Variants in CACNA1S observed in about 807,000 individuals in gnomAD.
The protein encoded by CACNA1S is voltage-dependent L-type calcium channel subunit alpha-1S.
Under a neutral mutation model 207.4 loss-of-function variants are expected in CACNA1S, and 126 were observed. That is an observed-to-expected ratio of 0.61 (90% confidence interval 0.53 to 0.70). The LOEUF (loss-of-function observed/expected upper bound fraction) is 0.70. Among genes scored for constraint, CACNA1S ranks in the 30% least tolerant of loss-of-function variants. The pLI, the probability that CACNA1S is intolerant of heterozygous loss-of-function variation, is 0.00. For synonymous variants in CACNA1S, 960 were observed against 932.7 expected (o/e 1.03, Z -0.53); for missense variants, 2,349 against 2,422.8 (o/e 0.97, Z 0.64).
chr1:201,051,459 C>T (rs538385872), intron 32 of CACNA1S, among the ~76,000 whole-genome samples: 1 of 152,298 alleles, frequency 6.6e-6, no homozygotes, highest in South Asian at 2.1e-4. Flanking sequence ...GTCACAGAGG[C>T]CTCAAAGAGA....
chr1:201,072,218 T>C (rs1051278213), intron 16 of CACNA1S, among the ~76,000 whole-genome samples: 9 of 152,176 alleles, frequency 5.9e-5, no homozygotes, highest in Non-Finnish European at 1.0e-4. Flanking sequence ...ATTTATGAGA[T>C]GTTTGTGGTT....
chr1:201,094,127 C>T, intron 2 of CACNA1S, 106 bp from the exon 3 acceptor site: 2 of 1,387,330 alleles, frequency 1.4e-6, no homozygotes, highest in Non-Finnish European at 2.0e-6. Context: ...CAGGCACGCC[C>T]ACCTCAGGAC....
rs778843065 is a variant in CACNA1S at position 201,053,158 on chromosome 1, C to T, written c.3861+51G>A. 3.7e-5 allele frequency: 59 copies of T among 1,607,744 alleles called. No individual in the cohort carries two copies. Among genetic ancestry groups the T allele is most frequent in the Non-Finnish European group, 3.9e-5 (46 of 1,174,348 alleles). ...GCTCCTCAGGGTCCACTGATGCCCC[C>T]TCTAACTTGGCCAAGATCCATGCTT... On this transcript the variant is annotated intron_variant, in intron 31 of 43. Coordinates refer to ENST00000362061, the MANE Select transcript of CACNA1S (RefSeq NM_000069.3). This position sits in a 1 kb window ranked among gnomAD's most constrained non-coding sequence, Gnocchi z 5.1.
intron 39 of CACNA1S, among the ~76,000 whole-genome samples, chr1:201,044,113 T>C (rs1660389522): frequency 6.6e-6 from 1 of 151,910 alleles, no homozygotes; most frequent in African/African-American, 2.4e-5. Flanking sequence ...GGTAGGGAAA[T>C]GTGGGAAAGA....
chr1:201,108,862 C>T (rs1430462198), intron 2 of CACNA1S, among the ~76,000 whole-genome samples: 1 of 152,162 alleles, frequency 6.6e-6, no homozygotes, highest in Non-Finnish European at 1.5e-5. Context: ...ATTGTTCTGT[C>T]CCCTAGGGAG....
intron 10 of CACNA1S, among the ~76,000 whole-genome samples, chr1:201,078,507 A>T (rs1661713362): frequency 8.9e-6 from 1 of 111,764 alleles, no homozygotes; most frequent in Non-Finnish European, 1.7e-5. Flanking sequence ...GCGAATTTTT[A>T]AATTAGCTTC....
chr1:201,086,378 A>G (rs1250746532), intron 7 of CACNA1S, among the ~76,000 whole-genome samples: 1 of 152,256 alleles, frequency 6.6e-6, no homozygotes, highest in East Asian at 1.9e-4. Context: ...GCTTCACTTA[A>G]TGACTGGGAT....
chr1:201,071,900 G>T lies in CACNA1S; in HGVS notation c.2227+855C>A, dbSNP rs571031013. On this transcript the variant is annotated intron_variant, in intron 16 of 43. Coordinates refer to ENST00000362061, the MANE Select transcript of CACNA1S (RefSeq NM_000069.3). ...CATTCATTCATTCAATTTATTGAGT[G>T]CCTCCTCTGAGCCAAACACTGTGCT... Among the ~76,000 whole-genome samples, 12 of 152,350 alleles carry T rather than the reference G, an allele frequency of 7.9e-5. No individual in the cohort carries two copies. In the South Asian group the frequency reaches 2.5e-3, roughly 32 times the overall value.
intron 22 of CACNA1S, among the ~76,000 whole-genome samples, chr1:201,062,846 T>C (rs1025157707): frequency 1.3e-5 from 2 of 152,070 alleles, no homozygotes; most frequent in Non-Finnish European, 2.9e-5. Flanking sequence ...TGAGTGCAGC[T>C]TGGCCCCTGC....
At position 201,040,321 on chromosome 1, in the gene CACNA1S, C is replaced by A. The variant is rs1401042445; in HGVS notation, c.5280G>T (p.Gly1760=). 6.2e-7 allele frequency: 1 copy of A among 1,613,802 alleles called. No individual in the cohort carries two copies. Among genetic ancestry groups the A allele is most frequent in the African/African-American group, 1.3e-5 (1 of 75,028 alleles). ...TGTGGGGTGTCTCCTCATGAAGAGA[C>A]CCTGGTGTGGAGCTCTTTCTGTCCT... The part of the protein sequence containing the change: ...MPEDRKSSTP[G]SLHEETPHSR... Residue 1760 remains glycine (G), a synonymous_variant, in exon 43 of 44, where the codon GGG becomes GGT. Coordinates refer to ENST00000362061, the MANE Select transcript of CACNA1S (RefSeq NM_000069.3).
intron 2 of CACNA1S, among the ~76,000 whole-genome samples, chr1:201,096,401 C>G (rs1345676325): frequency 6.6e-6 from 1 of 152,242 alleles, no homozygotes; most frequent in Non-Finnish European, 1.5e-5. Context: ...GGTTGGCTGA[C>G]AGCCTCTGCA....
At chr1:201,042,913 C>T in intron 40 of CACNA1S, 1 of 167,650 alleles carries the variant, frequency 6.0e-6, no homozygotes, top group Middle Eastern at 2.3e-3. Context: ...CTCCTTGGAA[C>T]CTAAATCCAG....
rs1221496879 is a variant in CACNA1S, at chr1:201,066,515, T to A, written c.2658-199A>T. ...ACAGCCACCCCTGCTATCTGGACCATGCTCTCATGGGTGTGTCATGAAGCA... is the reference window on the plus strand; with the variant it reads ...ACAGCCACCCCTGCTATCTGGACCAAGCTCTCATGGGTGTGTCATGAAGCA... On this transcript the variant is annotated intron_variant, in intron 20 of 43. Coordinates refer to ENST00000362061, the MANE Select transcript of CACNA1S (RefSeq NM_000069.3). This position sits in a 1 kb window ranked among gnomAD's most constrained non-coding sequence, Gnocchi z 4.3. 6.6e-6 allele frequency among the ~76,000 whole-genome samples: 1 copy of A among 152,114 alleles called. No individual in the cohort carries two copies. Among genetic ancestry groups the A allele is most frequent in the Non-Finnish European group, 1.5e-5 (1 of 68,004 alleles).
intron 31 of CACNA1S, 123 bp from the exon 32 acceptor site, chr1:201,052,771 T>C: frequency 2.5e-6 from 2 of 808,846 alleles, no homozygotes; most frequent in South Asian, 2.8e-5. Context: ...TTCCCTTCAT[T>C]GCGGGCCACA....
rs752830371 is a variant in CACNA1S, at chr1:201,054,476, C to T, written c.3666+29G>A. ...GGCAGGGCAGGAGCTGGTGAGCGTG[C>T]CAGGCAGGCTCGTGCAGCCTGAAAT... On this transcript the variant is annotated intron_variant, in intron 29 of 43. Coordinates refer to ENST00000362061, the MANE Select transcript of CACNA1S (RefSeq NM_000069.3). 10 of 1,609,638 alleles carry T rather than the reference C, an allele frequency of 6.2e-6. No homozygotes were observed. In the South Asian group the frequency reaches 1.1e-4, roughly 18 times the overall value.
At chr1:201,111,181 CGA>C (rs1402863868) in intron 1 of CACNA1S, among the ~76,000 whole-genome samples, 1 of 152,086 alleles carries the variant, frequency 6.6e-6, no homozygotes, top group African/African-American at 2.4e-5. Flanking sequence ...ACCGCCTGGC[CGA>C]GAGCGGGTCA....
At chr1:201,085,825 T>C (rs2102155387) in intron 7 of CACNA1S, among the ~76,000 whole-genome samples, 1 of 152,250 alleles carries the variant, frequency 6.6e-6, no homozygotes, top group South Asian at 2.1e-4. Flanking sequence ...TCCTCATTTC[T>C]TTCTTCTCAT....
At chr1:201,083,423 A>C (rs991085222) in intron 9 of CACNA1S, 101 bp from the exon 10 acceptor site, 50 of 1,223,214 alleles carry the variant, frequency 4.1e-5, no homozygotes, top group East Asian at 2.6e-4. Context: ...TAGCCTGACC[A>C]CCCCACTTCC....
At chr1:201,103,201 G>A (rs576998300) in intron 2 of CACNA1S, among the ~76,000 whole-genome samples, 21 of 149,732 alleles carry the variant, frequency 1.4e-4, no homozygotes, top group South Asian at 4.2e-4. Context: ...AGGTGAAGTC[G>A]TGCCACTGCA....
Sources: gnomAD v4.1 joint callset for allele counts (sites outside exome capture counted in the v4.1 genomes callset) on GRCh38, gnomAD v4.1.1 for gene constraint, Gnocchi (gnomAD v3.1) non-coding constraint, MANE v1.5 for transcripts, NCBI Gene and HGNC (gene_info 2026-07-23, HGNC 2026-07-21) for gene names.